The following ZNF398 variants were observed in gnomAD, a reference collection of about 807,000 sequenced individuals.
ZNF398 encodes zinc finger protein 398.
ZNF398 carries 18 observed loss-of-function variants against 41.9 expected under a neutral mutation model. The ratio of observed to expected loss-of-function variants is 0.43; its 90% CI spans 0.30 to 0.64. The LOEUF is 0.64. Ranked by LOEUF, ZNF398 falls within the 30% of genes least tolerant of loss-of-function variation. ZNF398 has a pLI of 0.14. For synonymous variants in ZNF398, 260 were observed against 308.8 expected (o/e 0.84, Z 1.66); for missense variants, 669 against 822.8 (o/e 0.81, Z 2.29).
chr7:149,167,674 G>A (rs372926411), intron 4 of ZNF398, among the ~76,000 whole-genome samples: 108 of 136,290 alleles, frequency 7.9e-4, no homozygotes, highest in African/African-American at 2.8e-3. Context: ...TTGCTCATGC[G>A]ATCTCGACTC....
intron 5 of ZNF398, among the ~76,000 whole-genome samples, chr7:149,178,227 G>A (rs1226902588): frequency 1.3e-5 from 2 of 151,964 alleles, no homozygotes; most frequent in Non-Finnish European, 2.9e-5. Context: ...GGGAGGCGGA[G>A]CTTGCATTGA....
intron 1 of ZNF398, among the ~76,000 whole-genome samples, chr7:149,153,155 G>A (rs111444180): frequency 6.6e-6 from 1 of 152,008 alleles, no homozygotes; most frequent in Non-Finnish European, 1.5e-5. Flanking sequence ...CACCGCACCG[G>A]CAAGAATTTC....
chr7:149,133,656 T>TATATATATAC (rs1826642427), intron 2 of ZNF398, among the ~76,000 whole-genome samples: 1 of 23,484 alleles, frequency 4.3e-5, no homozygotes, highest in Non-Finnish European at 6.9e-5. Flanking sequence ...GTTTTTTAAA[T>TATATATATAC]ATATATATAT....
chr7:149,139,274 G>T (rs1826775142), intron 2 of ZNF398, among the ~76,000 whole-genome samples: 1 of 151,330 alleles, frequency 6.6e-6, no homozygotes, highest in Non-Finnish European at 1.5e-5. Flanking sequence ...TGCTAAGCTG[G>T]TCTTAGACTC....
At chr7:149,176,196 A>G (rs1795457687) in intron 4 of ZNF398, among the ~76,000 whole-genome samples, 1 of 151,934 alleles carries the variant, frequency 6.6e-6, no homozygotes, top group African/African-American at 2.4e-5. Context: ...AAAAAAACTT[A>G]GCTGGGCGTG....
intron 2 of ZNF398, among the ~76,000 whole-genome samples, chr7:149,131,929 T>G (rs755908496): frequency 2.0e-5 from 3 of 152,206 alleles, no homozygotes; most frequent in Non-Finnish European, 2.9e-5. Flanking sequence ...CTTTGATAGC[T>G]ACGCAGCATA....
upstream of ZNF398, among the ~76,000 whole-genome samples, chr7:149,142,973 G>A (rs1826859231): frequency 6.6e-6 from 1 of 152,150 alleles, no homozygotes; most frequent in African/African-American, 2.4e-5. Flanking sequence ...ATAGCTTCAT[G>A]TATGTTATTT....
At chr7:149,166,431 C>A in intron 3 of ZNF398, 147 bp downstream of exon 3, 1 of 940,262 alleles carries the variant, frequency 1.1e-6, no homozygotes, top group Non-Finnish European at 1.6e-6. Context: ...CCAATTAATG[C>A]TTGCTAACTA....
At chr7:149,171,654 A>G (rs1004221381) in intron 4 of ZNF398, among the ~76,000 whole-genome samples, 18 of 151,536 alleles carry the variant, frequency 1.2e-4, no homozygotes, top group African/African-American at 2.4e-4. Context: ...CGGCCTCCCA[A>G]AGTGCTGGGA....
chr7:149,150,548 G>A (rs969210569), intron 1 of ZNF398, among the ~76,000 whole-genome samples: 6 of 152,060 alleles, frequency 3.9e-5, no homozygotes, highest in Admixed American at 3.9e-4. Context: ...GCGGTAAGCT[G>A]AGATTACACC....
At chr7:149,134,306 A>G (rs1314173867) in intron 2 of ZNF398, among the ~76,000 whole-genome samples, 2 of 148,420 alleles carry the variant, frequency 1.3e-5, no homozygotes, top group Non-Finnish European at 3.0e-5. Flanking sequence ...CTGGTCTTGA[A>G]CTCCTGATGT....
chr7:149,127,540 T>C (rs1338267017), intron 1 of ZNF398, among the ~76,000 whole-genome samples: 1 of 13,468 alleles, frequency 7.4e-5, no homozygotes, highest in Non-Finnish European at 1.7e-4. Context: ...CCGTCTCTAC[T>C]AAAAATACAA....
At chr7:149,139,996 CA>C in intron 2 of ZNF398, among the ~76,000 whole-genome samples, 2 of 150,530 alleles carry the variant, frequency 1.3e-5, no homozygotes, top group South Asian at 4.2e-4. Context: ...AAATCCATCT[CA>C]AAGAAAAAAA....
At chr7:149,177,128 T>C (rs1795478755) in intron 5 of ZNF398, among the ~76,000 whole-genome samples, 1 of 152,174 alleles carries the variant, frequency 6.6e-6, no homozygotes, top group Admixed American at 6.5e-5. Flanking sequence ...GTTTTTTTTT[T>C]AGTATTTTCT....
intron 4 of ZNF398, among the ~76,000 whole-genome samples, chr7:149,173,255 C>T (rs1202459): frequency 0.012 from 1,890 of 151,990 alleles, 15 homozygotes; most frequent in Middle Eastern, 0.034. Flanking sequence ...CAGGCGCCTA[C>T]CACCATGCCT....
chr7:149,133,063 T>TGGTTTTGGTA (rs1473714212), intron 2 of ZNF398, among the ~76,000 whole-genome samples: 4 of 152,118 alleles, frequency 2.6e-5, no homozygotes, highest in Admixed American at 2.0e-4. Flanking sequence ...ATTGCCATCT[T>TGGTTTTGGTA]GGTTTTGGTA....
intron 4 of ZNF398, among the ~76,000 whole-genome samples, chr7:149,174,820 T>C (rs1175672998): frequency 3.3e-5 from 5 of 152,190 alleles, no homozygotes; most frequent in Non-Finnish European, 7.3e-5. Flanking sequence ...AGTGAGACCC[T>C]GTCTCAAAAA....
chr7:149,158,940 C>G (rs1361865724), intron 2 of ZNF398, among the ~76,000 whole-genome samples: 2 of 151,694 alleles, frequency 1.3e-5, no homozygotes, highest in East Asian at 3.9e-4. Context: ...AACTGTCCAT[C>G]TTAGACTCTA....
rs922275924 is a variant in ZNF398, at chr7:149,128,188, C to G, written c.-611-635C>G. Reference sequence around the variant, plus strand: ...GGTTGGGTTACAGCTTGATTTTACACGTTTTGGGAAGACTTAAGACATCAG... The same window carrying G: ...GGTTGGGTTACAGCTTGATTTTACAGGTTTTGGGAAGACTTAAGACATCAG... On this transcript the variant is annotated intron_variant, in intron 1 of 6. Transcript: ENST00000426851. Among the ~76,000 whole-genome samples the G allele has an allele frequency of 5.3e-5, 8 of 152,200 alleles. No homozygotes were observed. In the East Asian group the frequency reaches 1.5e-3, roughly 29 times the overall value.
Sources: gnomAD v4.1 joint callset for allele counts (sites outside exome capture counted in the v4.1 genomes callset) on GRCh38, gnomAD v4.1.1 for gene constraint, MANE v1.5 for transcripts, NCBI Gene and HGNC (gene_info 2026-07-23, HGNC 2026-07-21) for gene names.